The following ANK2 variants were observed in gnomAD, a reference collection of about 807,000 sequenced individuals.
The protein encoded by ANK2 is ankyrin-2.
In ANK2, 83 loss-of-function variants were observed where a neutral mutation model predicts 360.5. The observed-to-expected ratio is 0.23, with a 90% CI of 0.19 to 0.28. The LOEUF is 0.28. Among genes scored for constraint, ANK2 ranks in the 10% least tolerant of loss-of-function variants. The pLI, the probability that ANK2 is intolerant of heterozygous loss-of-function variation, is 1.00. For missense variants in ANK2, 4,201 were observed against 4,795.7 expected (o/e 0.88, Z 3.66); for synonymous variants, 1,740 against 1,759.5 (o/e 0.99, Z 0.28).
At chr4:112,731,309 A>AT in the ANK2 span, among the ~76,000 whole-genome samples, 1 of 152,112 alleles carries the variant, frequency 6.6e-6, no homozygotes, top group East Asian at 1.9e-4. Context: ...AAAAAAAAAA[A>AT]AAAAGATAAA....
intron 2 of ANK2, among the ~76,000 whole-genome samples, chr4:112,968,085 G>A (rs2038030694): frequency 6.6e-6 from 1 of 152,132 alleles, no homozygotes; most frequent in African/African-American, 2.4e-5. Flanking sequence ...ATCATGGAAT[G>A]TGTAACTTTC....
the ANK2 span, among the ~76,000 whole-genome samples, chr4:112,706,382 C>G: frequency 4.6e-5 from 7 of 152,200 alleles, no homozygotes; most frequent in East Asian, 9.7e-4. Flanking sequence ...CCTCTTTTCT[C>G]AGTCTCACTT....
chr4:113,047,485 G>T (rs1209533626), upstream of ANK2, among the ~76,000 whole-genome samples: 1 of 152,136 alleles, frequency 6.6e-6, no homozygotes, highest in Non-Finnish European at 1.5e-5. Flanking sequence ...AACTGAATGT[G>T]TCCAAGCTGA....
chr4:112,913,651 A>C (rs918625514), intron 2 of ANK2, among the ~76,000 whole-genome samples: 2 of 152,130 alleles, frequency 1.3e-5, no homozygotes, highest in African/African-American at 2.4e-5. Context: ...TCTTTCCCTC[A>C]TTTGTACAAA....
At chr4:113,348,235 C>T (rs758196742) in intron 35 of ANK2, 41 bp from the exon 36 acceptor site, 6 of 1,603,754 alleles carry the variant, frequency 3.7e-6, no homozygotes, top group Non-Finnish European at 5.1e-6. Flanking sequence ...ACTCTTCCTT[C>T]TCTCTTTTTT....
chr4:112,999,449 G>A (rs1170458776), intron 2 of ANK2, among the ~76,000 whole-genome samples: 1 of 152,086 alleles, frequency 6.6e-6, no homozygotes, highest in African/African-American at 2.4e-5. Context: ...CAGCCATGGG[G>A]CACCACGAAA....
At chr4:112,788,201 T>C in the ANK2 span, 4 of 1,588,776 alleles carry the variant, frequency 2.5e-6, no homozygotes, top group Non-Finnish European at 3.4e-6. Flanking sequence ...ATCGTATCTG[T>C]CATTGTAATT....
intron 1 of ANK2, among the ~76,000 whole-genome samples, chr4:113,121,189 A>G (rs1169343952): frequency 2.6e-5 from 4 of 152,186 alleles, no homozygotes; most frequent in Non-Finnish European, 5.9e-5. Context: ...CATGATAACA[A>G]TCCTATATAT....
At chr4:112,706,498 G>A in the ANK2 span, among the ~76,000 whole-genome samples, 1 of 151,608 alleles carries the variant, frequency 6.6e-6, no homozygotes, top group Non-Finnish European at 1.5e-5. Context: ...TCACACACAC[G>A]CACCCCGCAA....
At chr4:112,920,316 A>G (rs2091131108) in intron 2 of ANK2, among the ~76,000 whole-genome samples, 1 of 152,198 alleles carries the variant, frequency 6.6e-6, no homozygotes, top group South Asian at 2.1e-4. Context: ...GGCAACAACT[A>G]CTGAGATGGT....
intron 1 of ANK2, among the ~76,000 whole-genome samples, chr4:113,076,391 G>A (rs987192762): frequency 2.6e-5 from 4 of 152,144 alleles, no homozygotes; most frequent in South Asian, 4.1e-4. Context: ...CTAAAGCTAC[G>A]CACCAGGCTA....
the ANK2 span, among the ~76,000 whole-genome samples, chr4:112,749,638 G>T: frequency 2.6e-5 from 4 of 152,176 alleles, no homozygotes; most frequent in Non-Finnish European, 5.9e-5. Flanking sequence ...ATTGTACCAT[G>T]ATGTTTGTGG....
intron 10 of ANK2, among the ~76,000 whole-genome samples, chr4:113,252,893 T>C (rs1424653421): frequency 6.6e-6 from 1 of 152,236 alleles, no homozygotes; most frequent in East Asian, 1.9e-4. Flanking sequence ...TAACCTCAAG[T>C]CAGCTGGTAA....
chr4:113,265,140 A>C, intron 14 of ANK2, 145 bp downstream of exon 14: 1 of 827,348 alleles, frequency 1.2e-6, no homozygotes, highest in Non-Finnish European at 1.9e-6. Flanking sequence ...TTCCAGAAAA[A>C]AAAAAGAAAC....
chr4:113,351,283 T>TAC (rs1246227362), intron 37 of ANK2, among the ~76,000 whole-genome samples: 1 of 152,172 alleles, frequency 6.6e-6, no homozygotes, highest in Non-Finnish European at 1.5e-5. Flanking sequence ...CATGTGGCCC[T>TAC]ACACAATGAT....
intron 2 of ANK2, among the ~76,000 whole-genome samples, chr4:112,958,187 C>T (rs974441175): frequency 1.3e-5 from 2 of 151,862 alleles, no homozygotes; most frequent in Admixed American, 6.6e-5. Context: ...ACTTCCCAGA[C>T]GGGGTGGCGG....
intron 2 of ANK2, among the ~76,000 whole-genome samples, chr4:112,988,069 G>A (rs1392124618): frequency 6.6e-6 from 1 of 152,174 alleles, no homozygotes; most frequent in Non-Finnish European, 1.5e-5. Flanking sequence ...CAGTGTCCGG[G>A]TGACAAGGAG....
chr4:113,358,297 A>T lies in ANK2; in HGVS notation c.9679A>T (p.Thr3227Ser), dbSNP rs140604600. 6.2e-7 allele frequency: 1 copy of T among 1,613,500 alleles called. No homozygotes were observed. The highest frequency in any genetic ancestry group is 2.2e-5 in the East Asian group (1 of 44,868). The change falls in exon 38 of 46, where the codon ACC becomes TCC. Residue 3227 changes from threonine (T) to serine (S), a missense_variant. Thr to Ser is a moderately conservative substitution (Grantham distance 58). Around this residue, in one of 4 missense-constraint regions of ANK2, gnomAD observed 2,642 missense variants for 2,714.5 expected, o/e 0.97. Coordinates refer to ENST00000357077, the MANE Select transcript of ANK2 (RefSeq NM_001148.6). ...AVSVGTKDLP[T>S]VQTGDIPPLS... is the part of the protein sequence containing the mutation. ...TAGTGTAGGGACCAAGGACCTCCCCACCGTGCAAACGGGTGATATACCTCC... is the reference window on the plus strand; with the variant it reads ...TAGTGTAGGGACCAAGGACCTCCCCTCCGTGCAAACGGGTGATATACCTCC...
chr4:113,257,923 C>A, intron 11 of ANK2, 127 bp from the exon 12 acceptor site: 2 of 955,676 alleles, frequency 2.1e-6, no homozygotes, highest in Non-Finnish European at 3.3e-6. Context: ...ATTCCAACAC[C>A]TGCAGGGATT....
Sources: gnomAD v4.1 joint callset for allele counts (sites outside exome capture counted in the v4.1 genomes callset) on GRCh38, gnomAD v4.1.1 for gene constraint, gnomAD v4.1.1 regional missense constraint, MANE v1.5 for transcripts, NCBI Gene and HGNC (gene_info 2026-07-23, HGNC 2026-07-21) for gene names.